Variants in UNC5D observed in about 807,000 individuals in gnomAD.
The protein encoded by UNC5D is unc-5 netrin receptor D, also known as netrin receptor UNC5D.
Under a neutral mutation model 105.4 loss-of-function variants are expected in UNC5D, and 39 were observed. The observed-to-expected ratio is 0.37, with a 90% CI of 0.29 to 0.48. The LOEUF (loss-of-function observed/expected upper bound fraction) is 0.48. Ranked by LOEUF, UNC5D falls within the 20% of genes least tolerant of loss-of-function variation. The pLI is 0.98. For synonymous variants in UNC5D, 452 were observed against 450.4 expected (o/e 1.00, Z -0.04); for missense variants, 991 against 1,202.4 (o/e 0.82, Z 2.60).
chr8:35,454,011 A>G (rs1442770675), intron 1 of UNC5D, among the ~76,000 whole-genome samples: 1 of 152,182 alleles, frequency 6.6e-6, no homozygotes, highest in African/African-American at 2.4e-5. Flanking sequence ...TTAATACAAG[A>G]CTTGTTTCCT....
chr8:35,750,450 G>A, intron 12 of UNC5D, 132 bp from the exon 13 acceptor site: 2 of 881,456 alleles, frequency 2.3e-6, no homozygotes, highest in Non-Finnish European at 3.6e-6. Context: ...GTTAACATCG[G>A]GATAATTGGG....
chr8:35,388,889 TA>T (rs1803599133), intron 1 of UNC5D, among the ~76,000 whole-genome samples: 1 of 152,206 alleles, frequency 6.6e-6, no homozygotes, highest in Admixed American at 6.5e-5. Flanking sequence ...ATAAGGGAGT[TA>T]ACTTTTAGGG....
Position 35,587,965 on chromosome 8 carries a change from A to AATATATATATATATATATATATATAT in UNC5D, c.467-7585_467-7560dup, listed in dbSNP as rs57681405. On this transcript the variant is annotated intron_variant, in intron 3 of 16. Transcript: ENST00000404895. The stretch of plus-strand genomic sequence containing the variant: ...TTAGGGTTTTTCCTATAACTATAAT[A>AATATATATATATATATATATATATAT]ATATATATATATATATATATATATA... Among the ~76,000 whole-genome samples the AATATATATATATATATATATATATAT allele has an allele frequency of 2.9e-3, 305 of 104,918 alleles. 4 individuals are homozygous for AATATATATATATATATATATATATAT. Among genetic ancestry groups the AATATATATATATATATATATATATAT allele is most frequent in the South Asian group, 4.4e-3 (11 of 2,522 alleles). 68.8% of individuals were successfully genotyped at this position (104,918 alleles called of 152,430 possible). A position where few individuals can be genotyped will look rare whatever the true frequency, so the allele number is the denominator to read the frequency against.
intron 1 of UNC5D, among the ~76,000 whole-genome samples, chr8:35,450,968 G>A (rs1179494898): frequency 6.6e-6 from 1 of 151,712 alleles, no homozygotes; most frequent in East Asian, 1.9e-4. Context: ...TTCAACTTAC[G>A]ATATTTTTGA....
chr8:35,268,311 G>T (rs1334669065), intron 1 of UNC5D, among the ~76,000 whole-genome samples: 1 of 151,890 alleles, frequency 6.6e-6, no homozygotes, highest in East Asian at 1.9e-4. Flanking sequence ...AAACGTGGAT[G>T]GAACTGAACA....
intron 1 of UNC5D, among the ~76,000 whole-genome samples, chr8:35,440,590 A>G (rs1001638595): frequency 6.6e-6 from 1 of 151,988 alleles, no homozygotes; most frequent in Non-Finnish European, 1.5e-5. Flanking sequence ...GTACCTAACT[A>G]GCATGCTAAA....
chr8:35,492,796 T>G (rs1452219405), intron 1 of UNC5D, among the ~76,000 whole-genome samples: 1 of 152,078 alleles, frequency 6.6e-6, no homozygotes, highest in Admixed American at 6.6e-5. Context: ...AATTGTTCTC[T>G]TAGAAAACTG....
At chr8:35,337,870 G>T (rs570176777) in intron 1 of UNC5D, among the ~76,000 whole-genome samples, 1 of 151,976 alleles carries the variant, frequency 6.6e-6, no homozygotes, top group Non-Finnish European at 1.5e-5. Context: ...ATTATTAAAG[G>T]TTTGTGTTTG....
chr8:35,332,585 T>C (rs1810708413), intron 1 of UNC5D, among the ~76,000 whole-genome samples: 2 of 152,232 alleles, frequency 1.3e-5, no homozygotes. Flanking sequence ...ATGTGGTTTT[T>C]AAAACATAAA....
chr8:35,235,814 C>A lies in UNC5D; in HGVS notation c.30C>A (p.Gly10=), dbSNP rs1802415021. The A allele has an allele frequency of 3.3e-6, 4 of 1,229,856 alleles. No homozygotes were observed. Among genetic ancestry groups the A allele is most frequent in the Non-Finnish European group, 4.1e-6 (4 of 986,422 alleles). 76.2% of individuals were successfully genotyped at this position (1,229,856 alleles called of 1,614,324 possible). The part of the protein sequence containing the change: MGRAAATAG[G]GGGARRWLPW... ...GGAGAGCGGCGGCCACCGCAGGCGG[C>A]GGCGGAGGGGCGCGCCGCTGGCTCC... The change falls in exon 1 of 17, where the codon GGC becomes GGA. Residue 10 remains glycine, a synonymous_variant. Transcript: ENST00000404895.
At chr8:35,278,525 G>A (rs1805928290) in intron 1 of UNC5D, among the ~76,000 whole-genome samples, 1 of 152,030 alleles carries the variant, frequency 6.6e-6, no homozygotes, top group African/African-American at 2.4e-5. Context: ...GTTTGCAGCT[G>A]TACATTACCT....
At chr8:35,633,746 T>C (rs758783605) in intron 4 of UNC5D, among the ~76,000 whole-genome samples, 1 of 152,090 alleles carries the variant, frequency 6.6e-6, no homozygotes, top group Non-Finnish European at 1.5e-5. Flanking sequence ...CAGATACAGC[T>C]TATAATATTC....
chr8:35,667,263 G>T (rs1824485990), intron 4 of UNC5D, among the ~76,000 whole-genome samples: 1 of 152,136 alleles, frequency 6.6e-6, no homozygotes, highest in Non-Finnish European at 1.5e-5. Context: ...ACACAGGAAA[G>T]ATTTATTTTT....
chr8:35,657,016 G>C (rs1823776288), intron 4 of UNC5D, among the ~76,000 whole-genome samples: 1 of 138,302 alleles, frequency 7.2e-6, no homozygotes, highest in Non-Finnish European at 1.5e-5. Flanking sequence ...ATGTGATCTT[G>C]CTATGCTGCC....
chr8:35,287,942 G>C (rs781034652), intron 1 of UNC5D, among the ~76,000 whole-genome samples: 9 of 152,110 alleles, frequency 5.9e-5, no homozygotes, highest in African/African-American at 1.7e-4. Flanking sequence ...ATATAAAAGA[G>C]TGAAGAAGGC....
At chr8:35,451,598 T>C (rs1337030475) in intron 1 of UNC5D, among the ~76,000 whole-genome samples, 1 of 152,182 alleles carries the variant, frequency 6.6e-6, no homozygotes, top group Admixed American at 6.5e-5. Context: ...AGAATTGCTC[T>C]ACAGTTTTAT....
chr8:35,619,864 A>G (rs1326194978), intron 4 of UNC5D, among the ~76,000 whole-genome samples: 1 of 152,102 alleles, frequency 6.6e-6, no homozygotes, highest in Non-Finnish European at 1.5e-5. Context: ...TGTTCTTTCT[A>G]CTGCACCTGT....
chr8:35,249,416 G>T (rs190263551), intron 1 of UNC5D, among the ~76,000 whole-genome samples: 1 of 150,476 alleles, frequency 6.6e-6, no homozygotes, highest in East Asian at 1.9e-4. Flanking sequence ...AAATTAACCA[G>T]GTGTGGTGGC....
At chr8:35,734,248 T>C (rs1359073136) in intron 11 of UNC5D, among the ~76,000 whole-genome samples, 1 of 146,970 alleles carries the variant, frequency 6.8e-6, no homozygotes. Flanking sequence ...ATCAAGGGTA[T>C]GTAAGCCATC....
Sources: allele counts gnomAD v4.1 joint callset (sites outside exome capture counted in the v4.1 genomes callset), GRCh38; gene constraint gnomAD v4.1.1; transcripts MANE v1.5; gene names NCBI Gene and HGNC (gene_info 2026-07-23, HGNC 2026-07-21).